CCDC71: variants seen among roughly 807,000 people sequenced by gnomAD.
CCDC71 encodes the protein coiled-coil domain containing 71, also known as coiled-coil domain-containing protein 71.
For synonymous variants in CCDC71, 257 were observed against 242.2 expected, an observed-to-expected ratio of 1.06 and a Z score of -0.57; for missense variants, 594 against 604.0, an observed-to-expected ratio of 0.98 and a Z score of 0.17.
In CCDC71 at chr3:49,163,211, G is replaced by C. The variant is rs1358269148; in HGVS notation, c.998C>G (p.Ala333Gly). Residue 333 changes from alanine to glycine, a missense_variant, in exon 2 of 2, where the codon GCC becomes GGC. Physicochemically the swap from Ala to Gly is moderately conservative, Grantham distance 60. Coordinates refer to ENST00000321895, the MANE Select transcript of CCDC71 (RefSeq NM_022903.4). The part of the protein sequence containing the change: ...KAKAAQVKAK[A>G]KVMAAWAKAK... Reference sequence around the variant, plus strand: ...CTTGGCCCATGCTGCCATGACTTTGGCCTTGGCCTTGACCTGTGCTGCCTT... The same window carrying C: ...CTTGGCCCATGCTGCCATGACTTTGCCCTTGGCCTTGACCTGTGCTGCCTT... The C allele has an allele frequency of 6.4e-7, 1 of 1,571,590 alleles. No individual in the cohort carries two copies. Among genetic ancestry groups the C allele is most frequent in the Non-Finnish European group, 8.7e-7 (1 of 1,149,244 alleles).
rs139329482 is a variant in CCDC71, at chr3:49,163,218, C to T, written c.991G>A (p.Ala331Thr). 188 of 1,571,836 alleles carry T rather than the reference C, an allele frequency of 1.2e-4. 1 individual carries two copies. The African/African-American group carries it at 2.3e-3, about 19-fold the overall frequency. Reference sequence around the variant, plus strand: ...CATGCTGCCATGACTTTGGCCTTGGCCTTGACCTGTGCTGCCTTAGCTTTG... The same window carrying T: ...CATGCTGCCATGACTTTGGCCTTGGTCTTGACCTGTGCTGCCTTAGCTTTG... Reference protein sequence around the residue: ...KAKAKAAQVKAKAKVMAAWAK... With the variant: ...KAKAKAAQVKTKAKVMAAWAK... Residue 331 changes from alanine to threonine, a missense_variant, in exon 2 of 2, where the codon GCC becomes ACC. By Grantham distance (58) the Ala-to-Thr change is moderately conservative (BLOSUM62 0). Coordinates refer to ENST00000321895, the MANE Select transcript of CCDC71 (RefSeq NM_022903.4).
rs1446178266 is a variant in CCDC71 at position 49,163,401 on chromosome 3, T to A, written c.808A>T (p.Met270Leu). The A allele has an allele frequency of 6.2e-7, 1 of 1,614,102 alleles. No homozygotes were observed. Among genetic ancestry groups the A allele is most frequent in the Non-Finnish European group, 8.5e-7 (1 of 1,180,014 alleles). The stretch of plus-strand genomic sequence containing the variant: ...GTGCCCAGGGCAGAGCCCCCTTTCA[T>A]TCGCCGGACACTGGGGGACCCAGTG... ...RATGSPSVRR[M>L]KGGSALGTKT... Residue 270 changes from methionine (M) to leucine (L), a missense_variant, in exon 2 of 2, where the codon ATG becomes TTG. Met to Leu is a conservative substitution (Grantham distance 15). Coordinates refer to ENST00000321895, the MANE Select transcript of CCDC71 (RefSeq NM_022903.4).
chr3:49,163,046 T>C lies in CCDC71; in HGVS notation c.1163A>G (p.Gln388Arg). Reference sequence around the variant, plus strand: ...TGCCTCCTCAGCCCTTTTCCTCTTCTGCCCAACAGTCTCAGGGCGGTTTTT... The same window carrying C: ...TGCCTCCTCAGCCCTTTTCCTCTTCCGCCCAACAGTCTCAGGGCGGTTTTT... ...GQKNRPETVG[Q>R]KRKRAEEAKD... The change falls in exon 2 of 2, where the codon CAG becomes CGG. Residue 388 changes from glutamine to arginine, a missense_variant. By Grantham distance (43) the Gln-to-Arg change is conservative. Coordinates refer to ENST00000321895, the MANE Select transcript of CCDC71 (RefSeq NM_022903.4). The C allele has an allele frequency of 1.9e-6, 3 of 1,614,280 alleles. No individual in the cohort carries two copies. Among genetic ancestry groups the C allele is most frequent in the Non-Finnish European group, 2.5e-6 (3 of 1,180,050 alleles).
Position 49,166,026 on chromosome 3 carries a change from C to A in CCDC71, c.-53+241G>T, listed in dbSNP as rs570840994. Among the ~76,000 whole-genome samples the A allele has an allele frequency of 1.3e-5, 2 of 152,238 alleles. No individual in the cohort carries two copies. The highest frequency in any genetic ancestry group is 6.5e-5 in the Admixed American group (1 of 15,298). On this transcript the variant is annotated intron_variant, in intron 1 of 1. Transcript: ENST00000321895. This position sits in a 1 kb window ranked among gnomAD's most constrained non-coding sequence, Gnocchi z 4.0. ...AGGCTGGGAATGCACGTCCTTAGGG[C>A]CCAAGCCGTGAGGCGGGGGTCACTG...
chr3:49,163,010 G>C lies in CCDC71; in HGVS notation c.1199C>G (p.Pro400Arg). 6.2e-7 allele frequency: 1 copy of C among 1,614,248 alleles called. No homozygotes were observed. The highest frequency in any genetic ancestry group is 8.5e-7 in the Non-Finnish European group (1 of 1,180,046). Residue 400 changes from proline to arginine, a missense_variant, in exon 2 of 2, where the codon CCT (proline) becomes CGT (arginine). Transcript: ENST00000321895. ...RKRAEEAKDLPPKKRTRLGPR... is the reference protein window; with the variant it reads ...RKRAEEAKDLRPKKRTRLGPR... The stretch of plus-strand genomic sequence containing the variant: ...CCCAAGCCGTGTTCTCTTCTTGGGA[G>C]GAAGATCTTTTGCCTCCTCAGCCCT...
At position 49,162,758 on chromosome 3, in the gene CCDC71, C is replaced by A; in HGVS notation, c.*47G>T. 2 of 1,575,104 alleles carry A rather than the reference C, an allele frequency of 1.3e-6. No homozygotes were observed. The highest frequency in any genetic ancestry group is 2.3e-5 in the East Asian group (1 of 44,092). On this transcript the variant is annotated 3_prime_UTR_variant, in exon 2 of 2. Coordinates refer to ENST00000321895, the MANE Select transcript of CCDC71 (RefSeq NM_022903.4). ...ACATAGCACACTGTGCCACTAGCCA[C>A]ACAGACAGCTGGGCTTAGTTTCCCC...
chr3:49,164,810 G>A (rs1433292107), intron 1 of CCDC71, among the ~76,000 whole-genome samples: 2 of 152,216 alleles, frequency 1.3e-5, no homozygotes, highest in Admixed American at 6.5e-5. Flanking sequence ...TAATGCAATG[G>A]CTCCAAAGTG....
chr3:49,166,120 C>A lies in CCDC71; in HGVS notation c.-53+147G>T, dbSNP rs1300716756. ...ACCGCACAGCCCCAGGGTGGGGTCG[C>A]TGGGCGCGGGGTGGGGGTGGGGTGG... is the stretch of plus-strand genomic sequence containing the variant. On this transcript the variant is annotated intron_variant, in intron 1 of 1. Coordinates refer to ENST00000321895, the MANE Select transcript of CCDC71 (RefSeq NM_022903.4). This position sits in a 1 kb window ranked among gnomAD's most constrained non-coding sequence, Gnocchi z 4.0. The A allele has an allele frequency of 1.1e-5, 1 of 90,080 alleles. No homozygotes were observed. The highest frequency in any genetic ancestry group is 2.2e-5 in the Non-Finnish European group (1 of 45,178). 5.6% of individuals were successfully genotyped at this position (90,080 alleles called of 1,614,324 possible). A position where few individuals can be genotyped will look rare whatever the true frequency, so the allele number is the denominator to read the frequency against.
At chr3:49,165,531 C>T (rs1029707358) in intron 1 of CCDC71, among the ~76,000 whole-genome samples, 1 of 152,248 alleles carries the variant, frequency 6.6e-6, no homozygotes, top group South Asian at 2.1e-4. Context: ...TTCTTCCCAC[C>T]GCTCTAATGC....
Position 49,163,100 on chromosome 3 carries a change from G to C in CCDC71, c.1109C>G (p.Ala370Gly), listed in dbSNP as rs1452342517. The C allele has an allele frequency of 6.2e-7, 1 of 1,614,254 alleles. No homozygotes were observed. Among genetic ancestry groups the C allele is most frequent in the South Asian group, 1.1e-5 (1 of 91,090 alleles). The change falls in exon 2 of 2, where the codon GCT (alanine) becomes GGT (glycine). Residue 370 changes from alanine to glycine, a missense_variant. Transcript: ENST00000321895. The stretch of plus-strand genomic sequence containing the variant: ...GCCCTTCCTTGTAGTTCTGGCCTTA[G>C]CAGATCCCTTTGGCCTGCCTCTGCC... ...PRGRGRPKGSAKARTTRKGQK... is the reference protein window; with the variant it reads ...PRGRGRPKGSGKARTTRKGQK...
Position 49,165,917 on chromosome 3 carries a change from G to A in CCDC71, c.-53+350C>T, listed in dbSNP as rs536470812. On this transcript the variant is annotated intron_variant, in intron 1 of 1. Transcript: ENST00000321895. Reference sequence around the variant, plus strand: ...ACTTCCCTTCACACGTGCCCCCGGGGAAGGCAGGAGAAGTTGACGGAAGAT... The same window carrying A: ...ACTTCCCTTCACACGTGCCCCCGGGAAAGGCAGGAGAAGTTGACGGAAGAT... Among the ~76,000 whole-genome samples the A allele has an allele frequency of 5.0e-4, 76 of 152,350 alleles. 3 individuals are homozygous for A. The highest frequency in any genetic ancestry group is 6.8e-3 in the Middle Eastern group (2 of 292).
In CCDC71 at chr3:49,162,697, A is replaced by G; in HGVS notation, c.*108T>C. On this transcript the variant is annotated 3_prime_UTR_variant, in exon 2 of 2. Coordinates refer to ENST00000321895, the MANE Select transcript of CCDC71 (RefSeq NM_022903.4). ...GCTGGTGGTCACCAGGGCCCTAGAG[A>G]GGCACCGGGAGTCCTCAAGATTGTG... 1.1e-6 allele frequency: 1 copy of G among 951,714 alleles called. No individual in the cohort carries two copies. Among genetic ancestry groups the G allele is most frequent in the East Asian group, 6.5e-5 (1 of 15,356 alleles). 59.0% of individuals were successfully genotyped at this position (951,714 alleles called of 1,614,324 possible). A position where few individuals can be genotyped will look rare whatever the true frequency, so the allele number is the denominator to read the frequency against.
intron 1 of CCDC71, among the ~76,000 whole-genome samples, chr3:49,165,367 G>A (rs1451309316): frequency 1.3e-5 from 2 of 152,236 alleles, no homozygotes; most frequent in Admixed American, 1.3e-4. Flanking sequence ...CTTCTTTAAA[G>A]AAGCTGTGGA....
rs1006755825 is a variant in CCDC71, at chr3:49,163,119, C to G, written c.1090G>C (p.Gly364Arg). Residue 364 changes from glycine to arginine, a missense_variant, in exon 2 of 2, where the codon GGC (glycine) becomes CGC (arginine). Physicochemically the swap from Gly to Arg is moderately radical, Grantham distance 125 (BLOSUM62 -2). Transcript: ENST00000321895. ...KVARTQPRGR[G>R]RPKGSAKART... ...GCCTTAGCAGATCCCTTTGGCCTGCCTCTGCCCCTGGGCTGGGTCCGAGCC... is the reference window on the plus strand; with the variant it reads ...GCCTTAGCAGATCCCTTTGGCCTGCGTCTGCCCCTGGGCTGGGTCCGAGCC... The G allele has an allele frequency of 1.2e-6, 2 of 1,614,126 alleles. No homozygotes were observed. The highest frequency in any genetic ancestry group is 2.7e-5 in the African/African-American group (2 of 74,962).
chr3:49,163,453 A>G lies in CCDC71; in HGVS notation c.756T>C (p.Ser252=). Reference sequence around the variant, plus strand: ...CTCTGTTGGTTTTGCTCTGGTGCCCAGAGCCTCGTCGGGGTCCAGCCCCAG... The same window carrying G: ...CTCTGTTGGTTTTGCTCTGGTGCCCGGAGCCTCGTCGGGGTCCAGCCCCAG... ...KGPGAGPRRG[S]GHQSKTNRAT... The change falls in exon 2 of 2, where the codon TCT becomes TCC. Residue 252 remains serine (S), a synonymous_variant. Coordinates refer to ENST00000321895, the MANE Select transcript of CCDC71 (RefSeq NM_022903.4). 3.1e-6 allele frequency: 5 copies of G among 1,614,252 alleles called. No homozygotes were observed. The highest frequency in any genetic ancestry group is 4.2e-6 in the Non-Finnish European group (5 of 1,180,046).
In CCDC71 at chr3:49,162,929, C is replaced by G; in HGVS notation, c.1280G>C (p.Arg427Pro). ...GGACCGCCTATCTACCTTTATGGCA[C>G]GGAACTTCAGCAGCTTTGCTGTTCC... ...GPGTAKLLKFRAIKVDRRSSD... is the reference protein window; with the variant it reads ...GPGTAKLLKFPAIKVDRRSSD... Residue 427 changes from arginine to proline, a missense_variant, in exon 2 of 2, where the codon CGT becomes CCT. Transcript: ENST00000321895. 6.2e-7 allele frequency: 1 copy of G among 1,614,268 alleles called. No homozygotes were observed. Among genetic ancestry groups the G allele is most frequent in the Non-Finnish European group, 8.5e-7 (1 of 1,180,052 alleles).
chr3:49,165,062 T>C (rs2045715383), intron 1 of CCDC71, among the ~76,000 whole-genome samples: 2 of 152,224 alleles, frequency 1.3e-5, no homozygotes, highest in African/African-American at 4.8e-5. Flanking sequence ...CAACCCATTT[T>C]CTAGCTCCAG....
chr3:49,164,555 AT>A (rs2045711943), intron 1 of CCDC71, among the ~76,000 whole-genome samples: 1 of 152,104 alleles, frequency 6.6e-6, no homozygotes, highest in South Asian at 2.1e-4. Flanking sequence ...TCAACTCTGT[AT>A]TTTCTGAAGC....
chr3:49,164,157 G>A lies in CCDC71; in HGVS notation c.52C>T (p.Arg18Cys). ...VEEKAVHSWS[R>C]ISTAGKKALE... ...GCCTTCTTCCCTGCCGTGGAGATGC[G>A]CGACCAGGAGTGCACAGCTTTTTCC... The change falls in exon 2 of 2, where the codon CGC becomes TGC. Residue 18 changes from arginine (R) to cysteine (C), a missense_variant. Transcript: ENST00000321895. 2 of 1,613,326 alleles carry A rather than the reference G, an allele frequency of 1.2e-6. No individual in the cohort carries two copies. The highest frequency in any genetic ancestry group is 1.7e-6 in the Non-Finnish European group (2 of 1,179,894).
Sources: allele counts gnomAD v4.1 joint callset (sites outside exome capture counted in the v4.1 genomes callset), GRCh38; gene constraint gnomAD v4.1.1; non-coding constraint Gnocchi (gnomAD v3.1); transcripts MANE v1.5; gene names NCBI Gene and HGNC (gene_info 2026-07-23, HGNC 2026-07-21).